The following PCDH15 variants were observed in gnomAD, a reference collection of about 807,000 sequenced individuals.
PCDH15 encodes the protein protocadherin-15.
Under a neutral mutation model 178.5 loss-of-function variants are expected in PCDH15, and 129 were observed. The observed-to-expected ratio is 0.72, with a 90% CI of 0.63 to 0.84. The LOEUF is 0.84. Among genes scored for constraint, PCDH15 ranks in the 40% least tolerant of loss-of-function variants. PCDH15 has a pLI of 0.00. For missense variants in PCDH15, 2,230 were observed against 2,099.9 expected (o/e 1.06, Z -1.21); for synonymous variants, 800 against 732.0 (o/e 1.09, Z -1.50).
intron 1 of PCDH15, among the ~76,000 whole-genome samples, chr10:55,204,527 C>T (rs12413983): frequency 0.17 from 25,183 of 151,876 alleles, 2,693 homozygotes; most frequent in Non-Finnish European, 0.24. Flanking sequence ...GCTACTATAC[C>T]TTGTCCATAT....
intron 28 of PCDH15, among the ~76,000 whole-genome samples, chr10:53,846,572 A>T (rs966444874): frequency 2.0e-5 from 3 of 151,962 alleles, no homozygotes; most frequent in Non-Finnish European, 4.4e-5. Flanking sequence ...AAAATCACAA[A>T]CTAAGGGTGT....
At chr10:53,993,960 T>A (rs80220392) in intron 21 of PCDH15, among the ~76,000 whole-genome samples, 2,062 of 152,330 alleles carry the variant, frequency 0.014, 17 homozygotes, top group Middle Eastern at 0.02. Flanking sequence ...TATTAAACGC[T>A]AAAAATTACT....
intron 8 of PCDH15, among the ~76,000 whole-genome samples, chr10:54,307,953 A>G (rs1047325029): frequency 6.6e-6 from 1 of 152,016 alleles, no homozygotes; most frequent in Admixed American, 6.6e-5. Context: ...AACTCTTACT[A>G]TTTGCTGGTA....
intron 13 of PCDH15, among the ~76,000 whole-genome samples, chr10:54,168,871 C>A (rs1225020680): frequency 6.6e-6 from 1 of 151,968 alleles, no homozygotes; most frequent in African/African-American, 2.4e-5. Context: ...TTTAATTAAC[C>A]TCGCCTTCAA....
chr10:55,531,369 T>C (rs1841451113), intron 2 of PCDH15, among the ~76,000 whole-genome samples: 1 of 151,996 alleles, frequency 6.6e-6, no homozygotes, highest in Non-Finnish European at 1.5e-5. Flanking sequence ...CAAACATGTT[T>C]TTCCTCATAA....
intron 2 of PCDH15, among the ~76,000 whole-genome samples, chr10:54,903,891 A>C (rs1954679326): frequency 6.6e-6 from 1 of 152,084 alleles, no homozygotes; most frequent in Admixed American, 6.6e-5. Flanking sequence ...CCACAACAAT[A>C]AAACTACAGG....
intron 21 of PCDH15, among the ~76,000 whole-genome samples, chr10:53,988,953 G>A (rs1765242413): frequency 1.3e-5 from 2 of 152,154 alleles, no homozygotes; most frequent in Admixed American, 1.3e-4. Flanking sequence ...AGAAAATTCG[G>A]AGAGACTTTG....
chr10:55,296,790 C>A (rs188031280), intron 1 of PCDH15, among the ~76,000 whole-genome samples: 1 of 152,152 alleles, frequency 6.6e-6, no homozygotes, highest in Admixed American at 6.6e-5. Flanking sequence ...TCTTGACAAA[C>A]ACATTGTCAC....
At chr10:55,157,501 C>A (rs1282195692) in intron 2 of PCDH15, among the ~76,000 whole-genome samples, 1 of 148,386 alleles carries the variant, frequency 6.7e-6, no homozygotes, top group Non-Finnish European at 1.5e-5. Context: ...AAGACACATG[C>A]ACACGTATGT....
chr10:54,816,992 T>C lies in PCDH15; in HGVS notation c.-29+80458A>G, dbSNP rs183078677. Among the ~76,000 whole-genome samples the C allele has an allele frequency of 1.3e-4, 20 of 152,132 alleles. No homozygotes were observed. The East Asian group carries it at 3.3e-3, about 25-fold the overall frequency. ...ACCCTTTCATATATTTTTGAATAAA[T>C]TGTAGGATGTTCTGTATTTAATTGA... On this transcript the variant is annotated intron_variant, in intron 3 of 5. Coordinates refer to the PCDH15 transcript ENST00000458638.
At chr10:55,554,730 G>T (rs991154088) in intron 2 of PCDH15, among the ~76,000 whole-genome samples, 1 of 151,986 alleles carries the variant, frequency 6.6e-6, no homozygotes, top group Non-Finnish European at 1.5e-5. Context: ...TGTAAAATGA[G>T]GGACAACCAT....
At chr10:54,732,198 T>C (rs1591342568) in intron 1 of PCDH15, among the ~76,000 whole-genome samples, 1 of 151,128 alleles carries the variant, frequency 6.6e-6, no homozygotes, top group Admixed American at 6.6e-5. Flanking sequence ...GCAGACAAAC[T>C]TAAATTCAAA....
intron 2 of PCDH15, among the ~76,000 whole-genome samples, chr10:55,013,195 C>T (rs1292551235): frequency 6.6e-6 from 1 of 152,104 alleles, no homozygotes; most frequent in African/African-American, 2.4e-5. Context: ...TCTACATTTC[C>T]CATCTGGATG....
intron 26 of PCDH15, among the ~76,000 whole-genome samples, chr10:53,875,653 A>C (rs1219714964): frequency 6.6e-6 from 1 of 152,120 alleles, no homozygotes; most frequent in Non-Finnish European, 1.5e-5. Context: ...TAAAAGAATA[A>C]AAGTCAGAAA....
At chr10:54,868,444 T>G (rs1953976602) in intron 3 of PCDH15, among the ~76,000 whole-genome samples, 1 of 151,970 alleles carries the variant, frequency 6.6e-6, no homozygotes, top group Non-Finnish European at 1.5e-5. Context: ...CTTCTCTTCC[T>G]CCTCCCTCAC....
intron 24 of PCDH15, among the ~76,000 whole-genome samples, chr10:53,939,604 T>C (rs2085875009): frequency 6.6e-6 from 1 of 152,102 alleles, no homozygotes; most frequent in Non-Finnish European, 1.5e-5. Flanking sequence ...TATAATACTA[T>C]ATATTTCTTT....
intron 2 of PCDH15, among the ~76,000 whole-genome samples, chr10:55,439,538 G>A (rs1413670): frequency 0.96 from 146,465 of 152,208 alleles, 70,509 homozygotes; most frequent in East Asian, 1. Flanking sequence ...AAGTTGGGGG[G>A]GAGGGATAAG....
chr10:54,384,338 T>A (rs1269915500), intron 3 of PCDH15, among the ~76,000 whole-genome samples: 2 of 137,936 alleles, frequency 1.4e-5, no homozygotes, highest in East Asian at 4.6e-4. Context: ...TTTTTTTTTT[T>A]AACTAAAACT....
At chr10:54,125,820 C>T (rs1269240286) in intron 15 of PCDH15, among the ~76,000 whole-genome samples, 2 of 152,108 alleles carry the variant, frequency 1.3e-5, no homozygotes, top group Non-Finnish European at 2.9e-5. Flanking sequence ...TCTTAGCCAT[C>T]TATATCTTCA....
Sources: gnomAD v4.1 joint callset for allele counts (sites outside exome capture counted in the v4.1 genomes callset) on GRCh38, gnomAD v4.1.1 for gene constraint, MANE v1.5 for transcripts, NCBI Gene and HGNC (gene_info 2026-07-23, HGNC 2026-07-21) for gene names.